The following MSRB3 variants were observed in gnomAD, a reference collection of about 807,000 sequenced individuals.
MSRB3 encodes methionine-R-sulfoxide reductase B3.
MSRB3 carries 13 observed loss-of-function variants against 21.0 expected under a neutral mutation model. The observed-to-expected ratio is 0.62, with a 90% CI of 0.40 to 0.98. The LOEUF (loss-of-function observed/expected upper bound fraction) is 0.98. MSRB3 is among the 50% of genes least tolerant of loss of function. MSRB3 has a pLI of 0.00. For missense variants in MSRB3, 199 were observed against 230.3 expected (o/e 0.86, Z 0.88); for synonymous variants, 87 against 88.6 (o/e 0.98, Z 0.10).
chr12:65,353,022 A>C (rs1324428376), intron 4 of MSRB3, among the ~76,000 whole-genome samples: 1 of 151,432 alleles, frequency 6.6e-6, no homozygotes, highest in East Asian at 1.9e-4. Context: ...ATCCTAAGCC[A>C]AAAGAACAAA....
intron 5 of MSRB3, among the ~76,000 whole-genome samples, chr12:65,425,542 C>G (rs1205922488): frequency 6.6e-6 from 1 of 151,920 alleles, no homozygotes; most frequent in Non-Finnish European, 1.5e-5. Context: ...TTTATGACTA[C>G]TATGAGACTT....
intron 5 of MSRB3, among the ~76,000 whole-genome samples, chr12:65,381,867 G>A (rs1440061188): frequency 1.3e-5 from 2 of 151,842 alleles, no homozygotes; most frequent in African/African-American, 2.4e-5. Context: ...TGTATTCGAT[G>A]TTGCAAATTA....
intron 5 of MSRB3, among the ~76,000 whole-genome samples, chr12:65,407,813 CT>C (rs1253391737): frequency 6.6e-6 from 1 of 151,928 alleles, no homozygotes; most frequent in African/African-American, 2.4e-5. Flanking sequence ...AGATTCTTTC[CT>C]CAGTTGTGTC....
intron 5 of MSRB3, among the ~76,000 whole-genome samples, chr12:65,392,817 T>C (rs1159737832): frequency 6.6e-6 from 1 of 152,230 alleles, no homozygotes; most frequent in Non-Finnish European, 1.5e-5. Context: ...TGTTGACTTG[T>C]TGCTCTGGAA....
chr12:65,371,995 AATT>A (rs1878356151), intron 5 of MSRB3, among the ~76,000 whole-genome samples: 1 of 152,272 alleles, frequency 6.6e-6, no homozygotes, highest in African/African-American at 2.4e-5. Flanking sequence ...TACTTTTGTT[AATT>A]ATTTGCCGAA....
rs1262935629 is a variant in MSRB3 at position 65,308,949 on chromosome 12, C to A, written c.76+294C>A. ...CTACACATCTGCAAATCATAACGTTCATAAGAGGCTGGCAGTCTGAGTAAG... is the reference window on the plus strand; with the variant it reads ...CTACACATCTGCAAATCATAACGTTAATAAGAGGCTGGCAGTCTGAGTAAG... On this transcript the variant is annotated intron_variant, in intron 2 of 6. Transcript: ENST00000308259. 5 of 443,856 alleles carry A rather than the reference C, an allele frequency of 1.1e-5. No homozygotes were observed. In the Admixed American group the frequency reaches 1.8e-4, roughly 16 times the overall value. 27.5% of individuals were successfully genotyped at this position (443,856 alleles called of 1,614,324 possible).
rs1411576628 is a variant in MSRB3, at chr12:65,406,708, G to A, written c.292+37682G>A. Among the ~76,000 whole-genome samples, 3 of 152,142 alleles carry A rather than the reference G, an allele frequency of 2.0e-5. No individual in the cohort carries two copies. In the East Asian group the frequency reaches 5.8e-4, roughly 29 times the overall value. Reference sequence around the variant, plus strand: ...AAAATTTACTACAAATCTATGCTATGGTTTGAATGTTTGTGTCCTCCCCAA... The same window carrying A: ...AAAATTTACTACAAATCTATGCTATAGTTTGAATGTTTGTGTCCTCCCCAA... On this transcript the variant is annotated intron_variant, in intron 5 of 6. Transcript: ENST00000308259.
intron 6 of MSRB3, chr12:65,454,238 T>A: frequency 5.5e-6 from 2 of 361,986 alleles, no homozygotes; most frequent in Non-Finnish European, 1.0e-5. Context: ...CAGTGAGCTG[T>A]GATCATGCCA....
intron 1 of MSRB3, among the ~76,000 whole-genome samples, chr12:65,303,880 G>A (rs1873489791): frequency 6.6e-6 from 1 of 152,128 alleles, no homozygotes; most frequent in Admixed American, 6.6e-5. Context: ...AAGACATGGA[G>A]GTGAAAATAG....
At chr12:65,328,233 TCTAAA>T (rs1237465951) in intron 3 of MSRB3, among the ~76,000 whole-genome samples, 3 of 152,130 alleles carry the variant, frequency 2.0e-5, no homozygotes, top group African/African-American at 7.2e-5. Flanking sequence ...TTTCTGTGAA[TCTAAA>T]CTACAGGCTT....
chr12:65,287,333 T>G (rs11175716), intron 1 of MSRB3, among the ~76,000 whole-genome samples: 13,293 of 151,944 alleles, frequency 0.087, 1,538 homozygotes, highest in African/African-American at 0.26. Flanking sequence ...TCCCTATGTT[T>G]CCCAGGTAGG....
chr12:65,440,409 G>C (rs965232440), intron 5 of MSRB3, among the ~76,000 whole-genome samples: 1 of 151,648 alleles, frequency 6.6e-6, no homozygotes, highest in Non-Finnish European at 1.5e-5. Flanking sequence ...AATTTACAAA[G>C]AACTGTTATC....
rs540703218 is a variant in MSRB3 at position 65,352,263 on chromosome 12, AC to A, written c.264-16732del. 4.5e-3 allele frequency among the ~76,000 whole-genome samples: 681 copies of A among 152,036 alleles called. 7 individuals are homozygous for A. Among genetic ancestry groups the A allele is most frequent in the Middle Eastern group, 0.017 (5 of 294 alleles). ...AAAAAGCCTTTGACAAAATTCAACA[AC>A]CCTTCATGCTAAAAACTCTCAGTAA... On this transcript the variant is annotated intron_variant, in intron 4 of 6. Coordinates refer to ENST00000308259, the MANE Select transcript of MSRB3 (RefSeq NM_001031679.3).
At chr12:65,390,184 G>A (rs1181534703) in intron 5 of MSRB3, among the ~76,000 whole-genome samples, 1 of 152,082 alleles carries the variant, frequency 6.6e-6, no homozygotes, top group Non-Finnish European at 1.5e-5. Context: ...AATTCCTGAA[G>A]CTCTTTAATT....
intron 5 of MSRB3, among the ~76,000 whole-genome samples, chr12:65,408,892 C>A (rs1045749001): frequency 1.3e-5 from 2 of 152,110 alleles, no homozygotes; most frequent in Non-Finnish European, 2.9e-5. Flanking sequence ...TTAAAAATAA[C>A]ACAATCATCT....
intron 6 of MSRB3, among the ~76,000 whole-genome samples, chr12:65,456,461 T>C (rs1443912880): frequency 6.6e-6 from 1 of 152,198 alleles, no homozygotes; most frequent in Non-Finnish European, 1.5e-5. Flanking sequence ...GAAGATGTCC[T>C]ACAGTGACCA....
At chr12:65,371,288 A>G (rs1251304754) in intron 5 of MSRB3, among the ~76,000 whole-genome samples, 1 of 141,132 alleles carries the variant, frequency 7.1e-6, no homozygotes, top group Non-Finnish European at 1.5e-5. Flanking sequence ...AAATTCTGCC[A>G]CTGCACTCCA....
At position 65,463,276 on chromosome 12, in the gene MSRB3, G is replaced by T; in HGVS notation, c.512G>T (p.Gly171Val). 6.2e-7 allele frequency: 1 copy of T among 1,614,202 alleles called. No homozygotes were observed. The highest frequency in any genetic ancestry group is 8.5e-7 in the Non-Finnish European group (1 of 1,180,040). Reference protein sequence around the residue: ...PADSSGTAEGGSGVASPAQAD... With the variant: ...PADSSGTAEGVSGVASPAQAD... ...GATAGCAGTGGCACCGCCGAGGGAG[G>T]CAGTGGGGTCGCCAGCCCGGCCCAG... The change falls in exon 7 of 7, where the codon GGC (glycine) becomes GTC (valine). Residue 171 changes from glycine to valine, a missense_variant. Coordinates refer to ENST00000308259, the MANE Select transcript of MSRB3 (RefSeq NM_001031679.3).
chr12:65,349,276 T>A (rs1876763504), intron 4 of MSRB3, among the ~76,000 whole-genome samples: 1 of 152,002 alleles, frequency 6.6e-6, no homozygotes, highest in Admixed American at 6.6e-5. Flanking sequence ...CCATGGTGTA[T>A]ATGTGCCACA....
Sources: allele counts gnomAD v4.1 joint callset (sites outside exome capture counted in the v4.1 genomes callset), GRCh38; gene constraint gnomAD v4.1.1; transcripts MANE v1.5; gene names NCBI Gene and HGNC (gene_info 2026-07-23, HGNC 2026-07-21).